Variants in DNM3 observed in about 807,000 individuals in gnomAD.
The protein encoded by DNM3 is dynamin-3.
Under a neutral mutation model 101.6 loss-of-function variants are expected in DNM3, and 47 were observed. The observed-to-expected ratio is 0.46, with a 90% CI of 0.37 to 0.59. DNM3 has a LOEUF of 0.59. Among genes scored for constraint, DNM3 ranks in the 20% least tolerant of loss-of-function variants. DNM3 has a pLI of 0.00. For synonymous variants in DNM3, 385 were observed against 387.9 expected (o/e 0.99, Z 0.09); for missense variants, 849 against 1,085.7 (o/e 0.78, Z 3.06).
intron 18 of DNM3, 107 bp from the exon 19 acceptor site, chr1:172,387,026 T>C (rs1163817408): frequency 1.1e-6 from 1 of 924,578 alleles, no homozygotes; most frequent in Non-Finnish European, 1.7e-6. Flanking sequence ...TGGACTTTGG[T>C]GGACTTTGGT....
At chr1:171,956,346 CA>C (rs1360201798) in intron 2 of DNM3, among the ~76,000 whole-genome samples, 2 of 152,092 alleles carry the variant, frequency 1.3e-5, no homozygotes, top group Admixed American at 6.5e-5. Context: ...AGAAATTGAC[CA>C]AAACAAGGGG....
intron 12 of DNM3, among the ~76,000 whole-genome samples, chr1:172,091,910 G>A (rs2053935315): frequency 6.6e-6 from 1 of 152,194 alleles, no homozygotes; most frequent in Non-Finnish European, 1.5e-5. Flanking sequence ...ACCAATGGAA[G>A]TGATGAAAAG....
At chr1:172,417,353 T>C (rs529819225), downstream of DNM3, among the ~76,000 whole-genome samples, 22 of 152,336 alleles carry the variant, frequency 1.4e-4, no homozygotes, top group African/African-American at 5.3e-4. Context: ...AAGCTGTTCA[T>C]TGCAATGTAG....
At chr1:172,048,169 C>A (rs2049952056) in intron 9 of DNM3, among the ~76,000 whole-genome samples, 1 of 152,196 alleles carries the variant, frequency 6.6e-6, no homozygotes, top group East Asian at 1.9e-4. Context: ...TCATAACTCC[C>A]CTTACTGTCT....
At chr1:172,365,421 A>G (rs1337288229) in intron 17 of DNM3, among the ~76,000 whole-genome samples, 1 of 151,944 alleles carries the variant, frequency 6.6e-6, no homozygotes, top group Non-Finnish European at 1.5e-5. Context: ...CTCAAATAAA[A>G]ATATTTTTAA....
At chr1:172,074,124 A>G (rs1233106779) in intron 11 of DNM3, among the ~76,000 whole-genome samples, 1 of 152,166 alleles carries the variant, frequency 6.6e-6, no homozygotes, top group East Asian at 1.9e-4. Flanking sequence ...GAGATGTAGC[A>G]GTGGATACAA....
chr1:172,016,866 T>C (rs917046709), intron 4 of DNM3, among the ~76,000 whole-genome samples: 1 of 152,182 alleles, frequency 6.6e-6, no homozygotes, highest in African/African-American at 2.4e-5. Context: ...TTATTTTTAA[T>C]TAATTATTGA....
intron 15 of DNM3, among the ~76,000 whole-genome samples, chr1:172,268,856 A>G (rs2062973395): frequency 6.6e-6 from 1 of 152,168 alleles, no homozygotes; most frequent in Non-Finnish European, 1.5e-5. Context: ...GAGGGAGAAA[A>G]ATAGCAAGTT....
At chr1:172,105,507 T>A (rs2054947258) in intron 13 of DNM3, among the ~76,000 whole-genome samples, 1 of 152,232 alleles carries the variant, frequency 6.6e-6, no homozygotes, top group Non-Finnish European at 1.5e-5. Context: ...ACACACTTTT[T>A]AATTATTGCA....
At chr1:172,242,297 C>A (rs1016645334) in intron 14 of DNM3, among the ~76,000 whole-genome samples, 3 of 152,120 alleles carry the variant, frequency 2.0e-5, no homozygotes, top group African/African-American at 4.8e-5. Flanking sequence ...TTGACCCCAC[C>A]CCTTGCTGTT....
chr1:172,387,239 T>G lies in DNM3; in HGVS notation c.2165T>G (p.Met722Arg). Residue 722 changes from methionine (M) to arginine (R), a missense_variant, in exon 19 of 21, where the codon ATG (methionine) becomes AGG (arginine). Transcript: ENST00000627582. Reference sequence around the variant, plus strand: ...GAGCAGGCTCAGCGCCGGGATGAGATGCTTCGAATGTATCAAGCACTGAAA... The same window carrying G: ...GAGCAGGCTCAGCGCCGGGATGAGAGGCTTCGAATGTATCAAGCACTGAAA... ...SAEQAQRRDEMLRMYQALKEA... is the reference protein window; with the variant it reads ...SAEQAQRRDERLRMYQALKEA... 6.2e-7 allele frequency: 1 copy of G among 1,614,022 alleles called. No individual in the cohort carries two copies. Among genetic ancestry groups the G allele is most frequent in the South Asian group, 1.1e-5 (1 of 91,080 alleles).
At position 172,411,980 on chromosome 1, in the gene DNM3, G is replaced by A. The variant is rs983091742; in HGVS notation, c.*4139G>A. The A allele has an allele frequency of 1.0e-6, 1 of 985,598 alleles. No homozygotes were observed. Among genetic ancestry groups the A allele is most frequent in the African/African-American group, 1.7e-5 (1 of 57,218 alleles). 61.1% of individuals were successfully genotyped at this position (985,598 alleles called of 1,614,324 possible). On this transcript the variant is annotated 3_prime_UTR_variant, in exon 21 of 21. Coordinates refer to ENST00000627582, the MANE Select transcript of DNM3 (RefSeq NM_015569.5). ...TGGTTGCTATGTTTAAAATTATGTG[G>A]TGCTGTGTAGGTGAAACTTTAAGAA...
At chr1:172,097,980 A>G (rs1023828372) in intron 13 of DNM3, among the ~76,000 whole-genome samples, 10 of 152,184 alleles carry the variant, frequency 6.6e-5, no homozygotes, top group African/African-American at 2.4e-4. Flanking sequence ...GTGCTTCACA[A>G]GGTAATAGAA....
In DNM3 at chr1:172,223,761, T is replaced by A. The variant is rs540626846; in HGVS notation, c.1660-29812T>A. Among the ~76,000 whole-genome samples the A allele has an allele frequency of 2.0e-5, 3 of 152,324 alleles. No individual in the cohort carries two copies. The East Asian group carries it at 5.8e-4, about 29-fold the overall frequency. On this transcript the variant is annotated intron_variant, in intron 14 of 20. Transcript: ENST00000627582. ...CTTAGTCCAAGAAACCACTGTCTTCTTCCTTGATTATTGTAAGAGCTTCGT... is the reference window on the plus strand; with the variant it reads ...CTTAGTCCAAGAAACCACTGTCTTCATCCTTGATTATTGTAAGAGCTTCGT...
intron 4 of DNM3, among the ~76,000 whole-genome samples, chr1:171,998,674 T>G (rs1313282117): frequency 6.6e-6 from 1 of 151,896 alleles, no homozygotes; most frequent in Non-Finnish European, 1.5e-5. Flanking sequence ...TAATGTCAGG[T>G]GTTATGAAGA....
At chr1:171,965,088 A>G (rs538235667) in intron 2 of DNM3, among the ~76,000 whole-genome samples, 7 of 152,248 alleles carry the variant, frequency 4.6e-5, no homozygotes, top group East Asian at 1.9e-4. Context: ...TCAAATGCCA[A>G]TCTCAAGTAG....
intron 14 of DNM3, among the ~76,000 whole-genome samples, chr1:172,177,849 G>A (rs1364578685): frequency 6.6e-6 from 1 of 151,826 alleles, no homozygotes; most frequent in African/African-American, 2.4e-5. Flanking sequence ...CACATCCTCA[G>A]TATTATCCTG....
At chr1:171,857,123 C>A (rs1422317386) in intron 1 of DNM3, among the ~76,000 whole-genome samples, 1 of 152,016 alleles carries the variant, frequency 6.6e-6, no homozygotes, top group Non-Finnish European at 1.5e-5. Flanking sequence ...GGAATTGGTA[C>A]TGAATTTAGG....
intron 15 of DNM3, among the ~76,000 whole-genome samples, chr1:172,266,192 T>C (rs974536722): frequency 6.6e-6 from 1 of 152,160 alleles, no homozygotes; most frequent in Non-Finnish European, 1.5e-5. Flanking sequence ...TAGAGTCAGG[T>C]TGTTCATTTA....
Sources: gnomAD v4.1 joint callset for allele counts (sites outside exome capture counted in the v4.1 genomes callset) on GRCh38, gnomAD v4.1.1 for gene constraint, MANE v1.5 for transcripts, NCBI Gene and HGNC (gene_info 2026-07-23, HGNC 2026-07-21) for gene names.